Variants in VNN1 observed in about 807,000 individuals in gnomAD.
The protein encoded by VNN1 is vanin 1, also known as pantetheinase.
Under a neutral mutation model 41.9 loss-of-function variants are expected in VNN1, and 29 were observed. The ratio of observed to expected loss-of-function variants is 0.69; its 90% CI spans 0.52 to 0.94. The LOEUF is 0.94. Among genes scored for constraint, VNN1 ranks in the 40% least tolerant of loss-of-function variants. The pLI is 0.00. For synonymous variants in VNN1, 233 were observed against 224.4 expected (o/e 1.04, Z -0.34); for missense variants, 637 against 621.1 (o/e 1.03, Z -0.27).
chr6:132,692,948 A>G, intron 4 of VNN1, 76 bp downstream of exon 4: 1 of 1,447,654 alleles, frequency 6.9e-7, no homozygotes, highest in East Asian at 2.4e-5. Context: ...AGTATGCGTT[A>G]GCTAGAAAAA....
In VNN1 at chr6:132,693,078, T is replaced by C. The variant is rs774589624; in HGVS notation, c.772A>G (p.Met258Val). 9.3e-6 allele frequency: 15 copies of C among 1,613,966 alleles called. No homozygotes were observed. In the South Asian group the frequency reaches 1.4e-4, roughly 15 times the overall value. Residue 258 changes from methionine (M) to valine (V), a missense_variant, in exon 4 of 7, where the codon ATG (methionine) becomes GTG (valine). Coordinates refer to ENST00000367928, the MANE Select transcript of VNN1 (RefSeq NM_004666.3). ...VEFHSAWAMG[M>V]RVNFLASNIH... ...TTGGATGCAAGGAAATTGACCCTCA[T>C]GCCCATAGCCCAAGCTGAGTGGAAT...
In VNN1 at chr6:132,683,041, C is replaced by A; in HGVS notation, c.*99G>T. The A allele has an allele frequency of 2.0e-6, 2 of 1,003,656 alleles. No homozygotes were observed. The highest frequency in any genetic ancestry group is 2.1e-5 in the South Asian group (1 of 47,694). 62.2% of individuals were successfully genotyped at this position (1,003,656 alleles called of 1,614,324 possible). Reference sequence around the variant, plus strand: ...TCTAAATAAAGAGAAACTAGTAATTCACTTATACTAGAGGATAATATTAAC... The same window carrying A: ...TCTAAATAAAGAGAAACTAGTAATTAACTTATACTAGAGGATAATATTAAC... On this transcript the variant is annotated 3_prime_UTR_variant, in exon 7 of 7. Coordinates refer to ENST00000367928, the MANE Select transcript of VNN1 (RefSeq NM_004666.3).
At chr6:132,698,184 C>T (rs768815391) in intron 2 of VNN1, among the ~76,000 whole-genome samples, 6 of 152,186 alleles carry the variant, frequency 3.9e-5, no homozygotes, top group Non-Finnish European at 5.9e-5. Flanking sequence ...GTCCTTAATC[C>T]ATGCAGAGTT....
rs767890224 is a variant in VNN1 at position 132,692,259 on chromosome 6, G to A, written c.1152C>T (p.Asp384=). The part of the protein sequence containing the change: ...PNEVYALGAF[D]GLHTVEGRYY... ...AGCGCCCTTCCACAGTGTGCAGTCC[G>A]TCAAATGCCCCTAGAGCGTACACTT... The change falls in exon 5 of 7, where the codon GAC becomes GAT. Residue 384 remains aspartate, a synonymous_variant. Coordinates refer to ENST00000367928, the MANE Select transcript of VNN1 (RefSeq NM_004666.3). 122 of 1,608,298 alleles carry A rather than the reference G, an allele frequency of 7.6e-5. No homozygotes were observed. Among genetic ancestry groups the A allele is most frequent in the Non-Finnish European group, 9.9e-5 (116 of 1,177,104 alleles).
chr6:132,687,578 C>T (rs1322702849), intron 5 of VNN1, among the ~76,000 whole-genome samples: 1 of 151,944 alleles, frequency 6.6e-6, no homozygotes, highest in Non-Finnish European at 1.5e-5. Flanking sequence ...TACAACAGAA[C>T]AAAGGAGCAA....
chr6:132,681,931 A>T lies in VNN1; in HGVS notation c.*1209T>A, dbSNP rs574165827. On this transcript the variant is annotated 3_prime_UTR_variant, in exon 7 of 7. Transcript: ENST00000367928. ...CTGTGCAGAAGGGCATGCTTTGCAC[A>T]GTGCATGGCTGTTATCGGTACTATG... 3.9e-5 allele frequency: 6 copies of T among 152,690 alleles called. No individual in the cohort carries two copies. The highest frequency in any genetic ancestry group is 8.8e-5 in the Non-Finnish European group (6 of 68,044). 9.5% of individuals were successfully genotyped at this position (152,690 alleles called of 1,614,324 possible). A position where few individuals can be genotyped will look rare whatever the true frequency, so the allele number is the denominator to read the frequency against.
At chr6:132,692,100 A>G in intron 5 of VNN1, 123 bp downstream of exon 5, 1 of 1,144,444 alleles carries the variant, frequency 8.7e-7, no homozygotes, top group Admixed American at 3.4e-5. Flanking sequence ...AATTTTTAGC[A>G]TACATAAATC....
chr6:132,687,142 T>G (rs1292195061), intron 5 of VNN1, among the ~76,000 whole-genome samples: 1 of 151,954 alleles, frequency 6.6e-6, no homozygotes, highest in East Asian at 1.9e-4. Flanking sequence ...CTGGGGAAGG[T>G]GTGGAATGAG....
intron 2 of VNN1, among the ~76,000 whole-genome samples, chr6:132,710,579 A>G (rs1447012006): frequency 1.3e-5 from 2 of 151,948 alleles, no homozygotes; most frequent in Non-Finnish European, 2.9e-5. Context: ...GTGTCCATGT[A>G]TTCTCGTTGT....
intron 2 of VNN1, among the ~76,000 whole-genome samples, chr6:132,703,044 G>A (rs6936833): frequency 0.47 from 70,778 of 151,890 alleles, 18,547 homozygotes; most frequent in African/African-American, 0.71. Context: ...ACAGTAACAT[G>A]AAGCACCAAG....
At chr6:132,709,661 CA>C (rs36016222) in intron 2 of VNN1, among the ~76,000 whole-genome samples, 11,310 of 141,822 alleles carry the variant, frequency 0.08, 400 homozygotes, top group East Asian at 0.12. Context: ...GTCTCTCTCT[CA>C]AAAAAAAAAA....
At chr6:132,687,694 T>C (rs983129941) in intron 5 of VNN1, among the ~76,000 whole-genome samples, 5 of 152,178 alleles carry the variant, frequency 3.3e-5, no homozygotes, top group African/African-American at 1.2e-4. Flanking sequence ...CTGTGCAGAA[T>C]GACTAGAGGG....
chr6:132,711,973 T>C (rs1778607258), intron 1 of VNN1, 134 bp from the exon 2 acceptor site: 1 of 885,300 alleles, frequency 1.1e-6, no homozygotes, highest in South Asian at 4.0e-5. Flanking sequence ...TTATAATTTA[T>C]TTTCTTTTCC....
intron 3 of VNN1, 38 bp downstream of exon 3, chr6:132,693,952 G>A (rs768757266): frequency 6.2e-7 from 1 of 1,607,082 alleles, no homozygotes; most frequent in African/African-American, 1.3e-5. Context: ...TATTTCATTA[G>A]GCATTAACTA....
At chr6:132,687,979 G>T (rs1206497717) in intron 5 of VNN1, among the ~76,000 whole-genome samples, 2 of 152,080 alleles carry the variant, frequency 1.3e-5, no homozygotes, top group Non-Finnish European at 2.9e-5. Flanking sequence ...AATCTGTGTG[G>T]CAAGATAGGG....
intron 2 of VNN1, among the ~76,000 whole-genome samples, chr6:132,707,064 CA>C (rs1778529193): frequency 1.3e-5 from 2 of 151,374 alleles, no homozygotes; most frequent in South Asian, 4.2e-4. Flanking sequence ...CCGTCTCTAC[CA>C]AAAATACAAA....
At chr6:132,704,609 A>G (rs1245189460) in intron 2 of VNN1, among the ~76,000 whole-genome samples, 1 of 152,108 alleles carries the variant, frequency 6.6e-6, no homozygotes, top group Non-Finnish European at 1.5e-5. Context: ...CTAACAAAGA[A>G]GAAAACCTTC....
Position 132,684,350 on chromosome 6 carries a change from T to G in VNN1, c.1344A>C (p.Ala448=). The change falls in exon 6 of 7, where the codon GCA becomes GCC. Residue 448 remains alanine (A), a synonymous_variant. Coordinates refer to ENST00000367928, the MANE Select transcript of VNN1 (RefSeq NM_004666.3). ...AGATTCTTACCTGAAATTCTCCAGG[T>G]GCAAGCTGATTTTCACTCAGCAACA... The part of the protein sequence containing the change: ...PEVLLSENQL[A]PGEFQVSTDG... 6.2e-7 allele frequency: 1 copy of G among 1,611,832 alleles called. No individual in the cohort carries two copies. The highest frequency in any genetic ancestry group is 8.5e-7 in the Non-Finnish European group (1 of 1,178,728).
rs1383700670 is a variant in VNN1, at chr6:132,683,112, C to A, written c.*28G>T. 1 of 1,558,912 alleles carries A rather than the reference C, an allele frequency of 6.4e-7. No individual in the cohort carries two copies. On this transcript the variant is annotated 3_prime_UTR_variant, in exon 7 of 7. Coordinates refer to ENST00000367928, the MANE Select transcript of VNN1 (RefSeq NM_004666.3). ...TCATCCATCATTTTTTAAATTATCC[C>A]AAATAAAAAAGAGAAAAAGTCAATA...
Sources: gnomAD v4.1 joint callset for allele counts (sites outside exome capture counted in the v4.1 genomes callset) on GRCh38, gnomAD v4.1.1 for gene constraint, MANE v1.5 for transcripts, NCBI Gene and HGNC (gene_info 2026-07-23, HGNC 2026-07-21) for gene names.